CLEC6A: variants seen among roughly 807,000 people sequenced by gnomAD.
CLEC6A encodes the protein C-type lectin domain containing 6A.
Under a neutral mutation model 25.7 loss-of-function variants are expected in CLEC6A, and 22 were observed. The observed-to-expected ratio is 0.85, with a 90% CI of 0.61 to 1.22. The LOEUF (loss-of-function observed/expected upper bound fraction) is 1.22. CLEC6A is among the 50% of genes most tolerant of loss of function. CLEC6A has a pLI of 0.00. For missense variants in CLEC6A, 240 were observed against 236.8 expected, an observed-to-expected ratio of 1.01 and a Z score of -0.09; for synonymous variants, 92 against 76.7, an observed-to-expected ratio of 1.20 and a Z score of -1.04.
rs748398052 is a variant in CLEC6A at position 8,467,373 on chromosome 12, G to A, written c.369+1744G>A. Among the ~76,000 whole-genome samples the A allele has an allele frequency of 2.7e-4, 41 of 152,280 alleles. No homozygotes were observed. In the South Asian group the frequency reaches 4.8e-3, roughly 18 times the overall value. On this transcript the variant is annotated intron_variant, in intron 4 of 5. Coordinates refer to ENST00000382073, the MANE Select transcript of CLEC6A (RefSeq NM_001007033.2). ...ATTTTGAGTTAATTTCTTATATGAC[G>A]TAAGGTAAGGATTCAACTTGATTAT...
intron 4 of CLEC6A, among the ~76,000 whole-genome samples, chr12:8,470,107 T>A (rs532500062): frequency 7.5e-4 from 114 of 151,954 alleles, no homozygotes; most frequent in Admixed American, 8.5e-4. Flanking sequence ...AACAATCCCA[T>A]CAAAAAGTGG....
intron 5 of CLEC6A, among the ~76,000 whole-genome samples, chr12:8,476,780 G>T (rs1939980285): frequency 6.6e-6 from 1 of 152,024 alleles, no homozygotes; most frequent in Admixed American, 6.6e-5. Flanking sequence ...TGGGGAGATT[G>T]AATTACTTCC....
At chr12:8,472,863 G>A (rs992278426) in intron 4 of CLEC6A, among the ~76,000 whole-genome samples, 2 of 152,074 alleles carry the variant, frequency 1.3e-5, no homozygotes, top group South Asian at 2.1e-4. Flanking sequence ...CAGGTCCTAA[G>A]TGTAGTACTC....
chr12:8,460,721 C>G, intron 3 of CLEC6A: 2 of 1,471,574 alleles, frequency 1.4e-6, no homozygotes, highest in South Asian at 2.3e-5. Flanking sequence ...CAGCTCTCTG[C>G]TCTCCACAGG....
intron 5 of CLEC6A, among the ~76,000 whole-genome samples, chr12:8,476,527 T>C (rs1012962822): frequency 3.3e-5 from 5 of 152,110 alleles, no homozygotes; most frequent in African/African-American, 9.7e-5. Flanking sequence ...CTCTAAACTA[T>C]TATATTTTGC....
intron 4 of CLEC6A, among the ~76,000 whole-genome samples, chr12:8,471,291 G>A (rs1267564588): frequency 6.6e-6 from 1 of 152,006 alleles, no homozygotes; most frequent in Non-Finnish European, 1.5e-5. Context: ...GGAAAATGCT[G>A]ATCTCATCAA....
intron 3 of CLEC6A, among the ~76,000 whole-genome samples, chr12:8,460,280 G>T (rs377327117): frequency 6.6e-6 from 1 of 152,234 alleles, no homozygotes; most frequent in African/African-American, 2.4e-5. Flanking sequence ...ACAGTTCCAC[G>T]TGGCTGGGGA....
chr12:8,473,274 G>A (rs12321576), intron 4 of CLEC6A, among the ~76,000 whole-genome samples: 3,542 of 10,916 alleles, frequency 0.32, 1,428 homozygotes, highest in African/African-American at 0.49. Context: ...GATTACAGGC[G>A]TGAGCCACCG....
chr12:8,467,348 A>G (rs1257164820), intron 4 of CLEC6A, among the ~76,000 whole-genome samples: 2 of 152,176 alleles, frequency 1.3e-5, no homozygotes, highest in Non-Finnish European at 2.9e-5. Context: ...TCTTTAAAAC[A>G]TTTTGAGTTA....
At chr12:8,469,509 G>A (rs1939877228) in intron 4 of CLEC6A, among the ~76,000 whole-genome samples, 1 of 151,922 alleles carries the variant, frequency 6.6e-6, no homozygotes, top group African/African-American at 2.4e-5. Context: ...CAGATCTGGA[G>A]GCATTACATT....
chr12:8,471,624 A>G (rs1939908283), intron 4 of CLEC6A, among the ~76,000 whole-genome samples: 1 of 151,946 alleles, frequency 6.6e-6, no homozygotes, highest in African/African-American at 2.4e-5. Flanking sequence ...ATTTTGTAAT[A>G]TCTTCTATTT....
chr12:8,461,406 A>G (rs2136358184), intron 3 of CLEC6A, among the ~76,000 whole-genome samples: 1 of 152,312 alleles, frequency 6.6e-6, no homozygotes, highest in African/African-American at 2.4e-5. Flanking sequence ...GGAAACAACA[A>G]TGGGCACCTT....
At chr12:8,460,117 C>A (rs1318204667) in intron 3 of CLEC6A, among the ~76,000 whole-genome samples, 1 of 152,166 alleles carries the variant, frequency 6.6e-6, no homozygotes, top group Non-Finnish European at 1.5e-5. Flanking sequence ...GAGACTGATG[C>A]CTGTCCAAAA....
At chr12:8,466,947 C>T (rs1487505027) in intron 4 of CLEC6A, among the ~76,000 whole-genome samples, 4 of 152,216 alleles carry the variant, frequency 2.6e-5, no homozygotes, top group African/African-American at 9.6e-5. Flanking sequence ...CCACCTCACC[C>T]GACTGGCAAC....
chr12:8,477,437 A>C lies in CLEC6A; in HGVS notation c.603A>C (p.Ile201=). The change falls in exon 6 of 6, where the codon ATA becomes ATC. Residue 201 remains isoleucine, a synonymous_variant. Coordinates refer to ENST00000382073, the MANE Select transcript of CLEC6A (RefSeq NM_001007033.2). ...DVICETRRNS[I]CEMNKIYL ...TCTGTGAAACTAGAAGGAATTCAATATGTGAGATGAATAAGATTTACCTAT... is the reference window on the plus strand; with the variant it reads ...TCTGTGAAACTAGAAGGAATTCAATCTGTGAGATGAATAAGATTTACCTAT... 2.5e-6 allele frequency: 4 copies of C among 1,609,750 alleles called. No individual in the cohort carries two copies. Among genetic ancestry groups the C allele is most frequent in the Non-Finnish European group, 3.4e-6 (4 of 1,177,728 alleles).
chr12:8,459,505 G>A (rs2136356981), intron 2 of CLEC6A, 92 bp from the exon 3 acceptor site: 1 of 749,292 alleles, frequency 1.3e-6, no homozygotes, highest in Non-Finnish European at 2.4e-6. Flanking sequence ...CAGCAGTGGG[G>A]GTCAGAGGTA....
At chr12:8,463,161 A>G (rs1939786622) in intron 3 of CLEC6A, among the ~76,000 whole-genome samples, 1 of 152,194 alleles carries the variant, frequency 6.6e-6, no homozygotes, top group African/African-American at 2.4e-5. Context: ...ATCTGTCAAA[A>G]TATGTAGATA....
At chr12:8,459,074 C>T (rs1035550977) in intron 2 of CLEC6A, among the ~76,000 whole-genome samples, 2 of 152,062 alleles carry the variant, frequency 1.3e-5, no homozygotes, top group South Asian at 2.1e-4. Context: ...AACCTGTGTG[C>T]TTGCATCAAG....
At chr12:8,464,304 T>A (rs893625445) in intron 3 of CLEC6A, among the ~76,000 whole-genome samples, 1 of 151,398 alleles carries the variant, frequency 6.6e-6, no homozygotes, top group African/African-American at 2.4e-5. Flanking sequence ...ACATATCTTA[T>A]CATTGCTGTT....
Sources: allele counts gnomAD v4.1 joint callset (sites outside exome capture counted in the v4.1 genomes callset), GRCh38; gene constraint gnomAD v4.1.1; transcripts MANE v1.5; gene names NCBI Gene and HGNC (gene_info 2026-07-23, HGNC 2026-07-21).